SPIDR: variants seen among roughly 807,000 people sequenced by gnomAD.
SPIDR encodes DNA repair-scaffolding protein.
Under a neutral mutation model 104.6 loss-of-function variants are expected in SPIDR, and 93 were observed. The ratio of observed to expected loss-of-function variants is 0.89; its 90% CI spans 0.75 to 1.06. The LOEUF is 1.06. Ranked by LOEUF, SPIDR falls within the 50% of genes least tolerant of loss-of-function variation. SPIDR has a pLI of 0.00. For missense variants in SPIDR, 1,154 were observed against 1,111.2 expected (o/e 1.04, Z -0.55); for synonymous variants, 431 against 416.9 (o/e 1.03, Z -0.41).
chr8:47,577,949 T>A (rs1434847884), intron 8 of SPIDR, among the ~76,000 whole-genome samples: 1 of 152,180 alleles, frequency 6.6e-6, no homozygotes. Flanking sequence ...TATAAGGCTG[T>A]AAGATAAAGA....
intron 8 of SPIDR, 127 bp from the exon 9 acceptor site, chr8:47,595,684 T>C: frequency 1.3e-6 from 1 of 784,542 alleles, no homozygotes; most frequent in Non-Finnish European, 2.1e-6. Context: ...GCTGTGCCTC[T>C]GTGGGTGGGC....
intron 5 of SPIDR, among the ~76,000 whole-genome samples, chr8:47,338,564 G>A (rs1037709663): frequency 6.6e-6 from 1 of 152,144 alleles, no homozygotes; most frequent in Non-Finnish European, 1.5e-5. Context: ...TGAAAGTTAG[G>A]AAATCAGCCA....
chr8:47,671,356 A>G (rs1386233562), intron 10 of SPIDR, among the ~76,000 whole-genome samples: 3 of 152,104 alleles, frequency 2.0e-5, no homozygotes, highest in South Asian at 4.1e-4. Flanking sequence ...AGACCGAGGT[A>G]GGCAGATCAC....
intron 16 of SPIDR, among the ~76,000 whole-genome samples, chr8:47,714,997 A>G (rs1190866978): frequency 6.6e-6 from 1 of 152,178 alleles, no homozygotes; most frequent in Non-Finnish European, 1.5e-5. Context: ...AAGTGTTTTT[A>G]GTATTCACAG....
intron 8 of SPIDR, among the ~76,000 whole-genome samples, chr8:47,509,011 T>A (rs1048506955): frequency 6.6e-6 from 1 of 152,162 alleles, no homozygotes; most frequent in African/African-American, 2.4e-5. Context: ...AGTGAGAGGC[T>A]GTTGGACGAG....
intron 8 of SPIDR, among the ~76,000 whole-genome samples, chr8:47,500,837 A>T (rs954104949): frequency 6.6e-5 from 10 of 152,162 alleles, no homozygotes; most frequent in Non-Finnish European, 1.5e-4. Context: ...TAAGGAAGGG[A>T]TCCAGTTTCA....
intron 8 of SPIDR, among the ~76,000 whole-genome samples, chr8:47,451,610 T>A (rs181531091): frequency 7.4e-4 from 107 of 144,126 alleles, no homozygotes; most frequent in Middle Eastern, 3.5e-3. Flanking sequence ...ACACACACAC[T>A]AGAAAGATTC....
At chr8:47,443,250 G>A (rs2154344767) in intron 8 of SPIDR, among the ~76,000 whole-genome samples, 1 of 152,146 alleles carries the variant, frequency 6.6e-6, no homozygotes, top group African/African-American at 2.4e-5. Flanking sequence ...GAGATTATTT[G>A]CCTATATTCA....
chr8:47,474,514 G>A (rs781885150), intron 8 of SPIDR, among the ~76,000 whole-genome samples: 12 of 152,158 alleles, frequency 7.9e-5, no homozygotes, highest in Non-Finnish European at 1.5e-4. Context: ...TCTCTTTCTG[G>A]TGGGAGTGAC....
At chr8:47,325,402 G>A (rs1364490629) in intron 5 of SPIDR, among the ~76,000 whole-genome samples, 4 of 152,076 alleles carry the variant, frequency 2.6e-5, no homozygotes, top group African/African-American at 7.2e-5. Flanking sequence ...ATAAGTAATC[G>A]TAAAAAATTC....
At chr8:47,592,950 G>T (rs1201168629) in intron 8 of SPIDR, among the ~76,000 whole-genome samples, 2 of 151,998 alleles carry the variant, frequency 1.3e-5, no homozygotes, top group Admixed American at 1.3e-4. Flanking sequence ...GCAATGGTGC[G>T]ATCTTGGCTC....
At chr8:47,724,599 T>C (rs1300786723) in intron 16 of SPIDR, among the ~76,000 whole-genome samples, 1 of 152,228 alleles carries the variant, frequency 6.6e-6, no homozygotes, top group African/African-American at 2.4e-5. Context: ...TGCTAGGGCT[T>C]GGGCAGCTCT....
intron 10 of SPIDR, among the ~76,000 whole-genome samples, chr8:47,624,635 A>G (rs2065732112): frequency 1.3e-5 from 2 of 152,234 alleles, no homozygotes; most frequent in Admixed American, 1.3e-4. Context: ...TAGAAAATCT[A>G]GAAGAAATGG....
At chr8:47,544,786 T>G (rs1481522679) in intron 8 of SPIDR, among the ~76,000 whole-genome samples, 1 of 152,240 alleles carries the variant, frequency 6.6e-6, no homozygotes, top group Non-Finnish European at 1.5e-5. Context: ...CAAAATTGTT[T>G]TAGCTGTTCT....
intron 5 of SPIDR, among the ~76,000 whole-genome samples, chr8:47,358,035 G>A (rs1466263813): frequency 2.6e-5 from 4 of 152,190 alleles, no homozygotes; most frequent in Non-Finnish European, 5.9e-5. Context: ...CTGTTAACCA[G>A]TAAATGACTG....
intron 6 of SPIDR, among the ~76,000 whole-genome samples, chr8:47,399,053 GAGA>G (rs2061558100): frequency 6.6e-6 from 1 of 152,258 alleles, no homozygotes; most frequent in Non-Finnish European, 1.5e-5. Context: ...TGGAACTCTG[GAGA>G]AGTTTTGCTT....
At chr8:47,497,145 CT>C (rs1057319150) in intron 8 of SPIDR, among the ~76,000 whole-genome samples, 1 of 151,898 alleles carries the variant, frequency 6.6e-6, no homozygotes, top group Non-Finnish European at 1.5e-5. Context: ...TTTTGTTGGT[CT>C]TTTCAAACAA....
intron 5 of SPIDR, among the ~76,000 whole-genome samples, chr8:47,305,640 G>A (rs1160621181): frequency 6.6e-6 from 1 of 152,122 alleles, no homozygotes; most frequent in Non-Finnish European, 1.5e-5. Flanking sequence ...ATGTGCATAT[G>A]TATAATTTTC....
Position 47,293,990 on chromosome 8 carries a change from A to T in SPIDR, c.485A>T (p.Gln162Leu). Reference protein sequence around the residue: ...ISDCASCASNQSLTSDEKLSE... With the variant: ...ISDCASCASNLSLTSDEKLSE... ...GACTGTGCTTCTTGTGCAAGTAATC[A>T]GTCTTTGACAAGTGATGAGAAGCTG... The change falls in exon 5 of 20, where the codon CAG becomes CTG. Residue 162 changes from glutamine (Q) to leucine (L), a missense_variant. Gln to Leu is a moderately radical substitution (Grantham distance 113). Transcript: ENST00000297423. 1 of 1,614,120 alleles carries T rather than the reference A, an allele frequency of 6.2e-7. No individual in the cohort carries two copies. The highest frequency in any genetic ancestry group is 8.5e-7 in the Non-Finnish European group (1 of 1,179,998).
Sources: allele counts gnomAD v4.1 joint callset (sites outside exome capture counted in the v4.1 genomes callset), GRCh38; gene constraint gnomAD v4.1.1; transcripts MANE v1.5; gene names NCBI Gene and HGNC (gene_info 2026-07-23, HGNC 2026-07-21).